Variants in NDST4 observed in about 807,000 individuals in gnomAD.
NDST4 encodes N-heparan sulfate sulfotransferase 4.
NDST4 carries 63 observed loss-of-function variants against 100.8 expected under a neutral mutation model. The ratio of observed to expected loss-of-function variants is 0.62; its 90% CI spans 0.51 to 0.77. The LOEUF is 0.77. Ranked by LOEUF, NDST4 falls within the 30% of genes least tolerant of loss-of-function variation. The probability of loss-of-function intolerance (pLI) is 0.00; values close to 1 mark genes in which losing one functional copy is unlikely to be tolerated. For synonymous variants in NDST4, 377 were observed against 361.8 expected (o/e 1.04, Z -0.48); for missense variants, 943 against 1,018.4 (o/e 0.93, Z 1.01).
At chr4:114,924,434 GA>G (rs573486874) in intron 6 of NDST4, among the ~76,000 whole-genome samples, 10,371 of 116,134 alleles carry the variant, frequency 0.089, 447 homozygotes, top group Middle Eastern at 0.16. Flanking sequence ...TTTAAGGATA[GA>G]AAAAAAAAAA....
Position 114,937,405 on chromosome 4 carries a change from G to C in NDST4, c.1320C>G (p.Val440=), listed in dbSNP as rs750484752. 6.2e-7 allele frequency: 1 copy of C among 1,613,984 alleles called. No homozygotes were observed. The highest frequency in any genetic ancestry group is 2.2e-5 in the East Asian group (1 of 44,876). The change falls in exon 5 of 14, where the codon GTC becomes GTG. Residue 440 remains valine, a synonymous_variant. Coordinates refer to ENST00000264363, the MANE Select transcript of NDST4 (RefSeq NM_022569.3). ...CAGTGCTGGTGACTTGAATACCCCA[G>C]ACCTTCTTCCAAGCTGCATACAGCT... ...HIQLYAAWKK[V]WGIQVTSTEE...
chr4:115,012,088 A>C (rs1727559687), intron 2 of NDST4, among the ~76,000 whole-genome samples: 1 of 151,934 alleles, frequency 6.6e-6, no homozygotes, highest in African/African-American at 2.4e-5. Context: ...AGAGCTGATA[A>C]ATTACTTCAC....
At chr4:114,847,511 AT>A (rs1191698810) in intron 9 of NDST4, among the ~76,000 whole-genome samples, 1 of 146,806 alleles carries the variant, frequency 6.8e-6, no homozygotes, top group East Asian at 2.2e-4. Flanking sequence ...CTCAGGTGAG[AT>A]TTGCTTTATA....
chr4:115,092,827 G>GAA (rs1451406082), intron 1 of NDST4, among the ~76,000 whole-genome samples: 4 of 152,052 alleles, frequency 2.6e-5, no homozygotes, highest in African/African-American at 7.2e-5. Flanking sequence ...AAGACTAGTA[G>GAA]AAAACACAAA....
At chr4:114,925,391 G>T (rs554696893) in intron 6 of NDST4, among the ~76,000 whole-genome samples, 4 of 152,014 alleles carry the variant, frequency 2.6e-5, no homozygotes, top group Non-Finnish European at 5.9e-5. Context: ...AGAATTTCTC[G>T]AAGTTTGTTT....
At chr4:114,929,500 A>G (rs1725468407) in intron 6 of NDST4, among the ~76,000 whole-genome samples, 1 of 152,124 alleles carries the variant, frequency 6.6e-6, no homozygotes, top group South Asian at 2.1e-4. Context: ...CCTGGTCTCT[A>G]TCATTTACCT....
Position 115,076,494 on chromosome 4 carries a change from C to T in NDST4, c.543G>A (p.Pro181=), listed in dbSNP as rs759318947. 21 of 1,613,782 alleles carry T rather than the reference C, an allele frequency of 1.3e-5. No homozygotes were observed. The highest frequency in any genetic ancestry group is 2.2e-5 in the South Asian group (2 of 91,076). The change falls in exon 2 of 14, where the codon CCG becomes CCA. Residue 181 remains proline, a synonymous_variant. Transcript: ENST00000264363. ...GAGCTAGATTATTGAAAAGGTTTAACGGAAAGCCTTTTAATTGTGTACTTG... is the reference window on the plus strand; with the variant it reads ...GAGCTAGATTATTGAAAAGGTTTAATGGAAAGCCTTTTAATTGTGTACTTG... ...SLPSTQLKGF[P]LNLFNNLALK...
chr4:114,928,041 C>T (rs75846591), intron 6 of NDST4, among the ~76,000 whole-genome samples: 2,589 of 152,240 alleles, frequency 0.017, 86 homozygotes, highest in African/African-American at 0.059. Context: ...CATGGATCTT[C>T]CCTTTAAAAG....
intron 6 of NDST4, among the ~76,000 whole-genome samples, chr4:114,900,937 C>T (rs1306769820): frequency 6.6e-6 from 1 of 152,038 alleles, no homozygotes; most frequent in Non-Finnish European, 1.5e-5. Context: ...AATCTCCAAA[C>T]ATTTTGGGGT....
intron 11 of NDST4, among the ~76,000 whole-genome samples, chr4:114,835,244 G>A (rs1005301605): frequency 6.6e-6 from 1 of 152,104 alleles, no homozygotes; most frequent in African/African-American, 2.4e-5. Flanking sequence ...CCAGCTTTCT[G>A]TTGTCATTTA....
intron 2 of NDST4, among the ~76,000 whole-genome samples, chr4:115,071,166 T>A (rs1729069570): frequency 6.6e-6 from 1 of 152,018 alleles, no homozygotes; most frequent in Non-Finnish European, 1.5e-5. Context: ...TAAACTCGTA[T>A]TCTTTTCAAT....
chr4:114,969,322 A>T (rs1292642371), intron 4 of NDST4, among the ~76,000 whole-genome samples: 1 of 31,444 alleles, frequency 3.2e-5, no homozygotes, highest in Non-Finnish European at 5.9e-5. Context: ...TCAAAAAAAG[A>T]AAAAAAAAAA....
At chr4:115,029,999 CA>C (rs1184172793) in intron 2 of NDST4, among the ~76,000 whole-genome samples, 1 of 151,988 alleles carries the variant, frequency 6.6e-6, no homozygotes, top group Non-Finnish European at 1.5e-5. Context: ...TTTCTTTCAA[CA>C]CAAAGAAGTC....
At chr4:114,869,144 T>C (rs1052293766) in intron 7 of NDST4, among the ~76,000 whole-genome samples, 1 of 151,608 alleles carries the variant, frequency 6.6e-6, no homozygotes, top group Admixed American at 6.6e-5. Flanking sequence ...TATCTTTGAT[T>C]ATATTTATTT....
intron 4 of NDST4, among the ~76,000 whole-genome samples, chr4:114,953,254 C>G (rs62315270): frequency 6.6e-6 from 1 of 151,934 alleles, no homozygotes; most frequent in East Asian, 1.9e-4. Context: ...GAACCTTTCT[C>G]CATTTGATTT....
intron 2 of NDST4, among the ~76,000 whole-genome samples, chr4:114,983,146 C>T (rs912068717): frequency 1.3e-5 from 2 of 152,200 alleles, no homozygotes; most frequent in Non-Finnish European, 2.9e-5. Flanking sequence ...CAGGGCAGTG[C>T]AGAGGGGAAA....
At chr4:114,910,292 T>C (rs1725037458) in intron 6 of NDST4, among the ~76,000 whole-genome samples, 1 of 152,202 alleles carries the variant, frequency 6.6e-6, no homozygotes, top group Non-Finnish European at 1.5e-5. Flanking sequence ...ATCTCATTCA[T>C]TCATCTCCTC....
chr4:115,063,160 T>C (rs754289816), intron 2 of NDST4, among the ~76,000 whole-genome samples: 5 of 151,994 alleles, frequency 3.3e-5, no homozygotes, highest in Non-Finnish European at 7.4e-5. Flanking sequence ...TTTTAAGTTA[T>C]AGAAATTGTT....
chr4:115,042,590 T>C (rs1479575273), intron 2 of NDST4, among the ~76,000 whole-genome samples: 3 of 152,118 alleles, frequency 2.0e-5, no homozygotes, highest in Non-Finnish European at 4.4e-5. Context: ...GTCTAACTGA[T>C]AAATTAAATT....
Sources: allele counts gnomAD v4.1 joint callset (sites outside exome capture counted in the v4.1 genomes callset), GRCh38; gene constraint gnomAD v4.1.1; transcripts MANE v1.5; gene names NCBI Gene and HGNC (gene_info 2026-07-23, HGNC 2026-07-21).